The following CCDC82 variants were observed in gnomAD, a reference collection of about 807,000 sequenced individuals.
CCDC82 encodes the protein coiled-coil domain containing 82, also known as coiled-coil domain-containing protein 82.
CCDC82 carries 47 observed loss-of-function variants against 60.6 expected under a neutral mutation model. The ratio of observed to expected loss-of-function variants is 0.77; its 90% CI spans 0.61 to 0.99. The LOEUF (loss-of-function observed/expected upper bound fraction) is 0.99. Among genes scored for constraint, CCDC82 ranks in the 50% least tolerant of loss-of-function variants. CCDC82 has a pLI of 0.00. For missense variants in CCDC82, 588 were observed against 633.0 expected (o/e 0.93, Z 0.76); for synonymous variants, 212 against 207.4 (o/e 1.02, Z -0.19).
chr11:96,358,249 C>A lies in CCDC82; in HGVS notation c.1566+744G>T, dbSNP rs12421107. Reference sequence around the variant, plus strand: ...TACTATTTGTTCTCTCTTATACATTCATGTAACTAGACTTGTTTTAGAAGA... The same window carrying A: ...TACTATTTGTTCTCTCTTATACATTAATGTAACTAGACTTGTTTTAGAAGA... On this transcript the variant is annotated intron_variant, in intron 9 of 9. Coordinates refer to ENST00000646818, the MANE Select transcript of CCDC82 (RefSeq NM_024725.4). The A allele has an allele frequency of 6.4e-3, 6,860 of 1,064,430 alleles. 33 individuals carry two copies. The highest frequency in any genetic ancestry group is 0.034 in the Admixed American group (643 of 18,688). 65.9% of individuals were successfully genotyped at this position (1,064,430 alleles called of 1,614,324 possible).
intron 5 of CCDC82, chr11:96,382,019 A>G (rs1865900982): frequency 6.6e-6 from 1 of 151,866 alleles, no homozygotes; most frequent in Non-Finnish European, 1.5e-5. Context: ...CAGTAAAACT[A>G]TTAACTGTAT....
chr11:96,364,508 CATG>C (rs1864843167), intron 8 of CCDC82: 1 of 152,160 alleles, frequency 6.6e-6, no homozygotes, highest in African/African-American at 2.4e-5. Flanking sequence ...ACACCTCCTC[CATG>C]GATATGTAGA....
chr11:96,385,612 T>C (rs1866149949), intron 3 of CCDC82: 1 of 152,062 alleles, frequency 6.6e-6, no homozygotes, highest in South Asian at 2.1e-4. Flanking sequence ...AAATACACAA[T>C]ATAACCAATA....
At chr11:96,369,867 G>A (rs1200901442) in intron 7 of CCDC82, among the ~76,000 whole-genome samples, 1 of 152,154 alleles carries the variant, frequency 6.6e-6, no homozygotes, top group Non-Finnish European at 1.5e-5. Context: ...GCTTATATAT[G>A]CTATTTTTCT....
chr11:96,378,191 C>T (rs1021778021), intron 5 of CCDC82, among the ~76,000 whole-genome samples: 4 of 152,004 alleles, frequency 2.6e-5, no homozygotes, highest in East Asian at 1.9e-4. Context: ...CTGCTATCTA[C>T]TGCTTTCCAT....
intron 7 of CCDC82, 123 bp from the exon 8 acceptor site, chr11:96,365,273 G>A: frequency 3.5e-6 from 2 of 569,706 alleles, no homozygotes; most frequent in African/African-American, 3.8e-5. Flanking sequence ...AAACACCCTG[G>A]CATTTCTTAC....
In CCDC82 at chr11:96,384,068, G is replaced by C. The variant is rs1328976103; in HGVS notation, c.680C>G (p.Thr227Ser). ...EGSSVEMEQK[T>S]PEKTLAAQKR... ...TTGTGCAGCTAATGTTTTTTCAGGA[G>C]TCTTTTGCTCCATTTCCACTGAAGA... Residue 227 changes from threonine to serine, a missense_variant, in exon 4 of 10, where the codon ACT becomes AGT. Coordinates refer to ENST00000646818, the MANE Select transcript of CCDC82 (RefSeq NM_024725.4). 2 of 1,613,714 alleles carry C rather than the reference G, an allele frequency of 1.2e-6. No individual in the cohort carries two copies. The highest frequency in any genetic ancestry group is 1.7e-6 in the Non-Finnish European group (2 of 1,179,732).
intron 5 of CCDC82, among the ~76,000 whole-genome samples, chr11:96,374,692 T>C (rs533659129): frequency 1.8e-4 from 28 of 152,248 alleles, no homozygotes; most frequent in Non-Finnish European, 3.2e-4. Flanking sequence ...TCTGTTGTAC[T>C]GATTATTTCA....
intron 3 of CCDC82, chr11:96,385,725 G>A (rs1340077884): frequency 6.6e-6 from 1 of 152,108 alleles, no homozygotes; most frequent in African/African-American, 2.4e-5. Context: ...AAAGCTGTCA[G>A]TTTATCATTT....
At chr11:96,381,677 G>A (rs906262653) in intron 5 of CCDC82, 9 of 151,454 alleles carry the variant, frequency 5.9e-5, no homozygotes, top group Admixed American at 1.3e-4. Context: ...TGTAAGTAAC[G>A]TCCTATCTCT....
rs1034452207 is a variant in CCDC82 at position 96,362,825 on chromosome 11, A to T, written c.1380+2155T>A. On this transcript the variant is annotated intron_variant, in intron 8 of 9. Transcript: ENST00000646818. ...AAATTTGCTGTTAAGTGAATTCCTT[A>T]AAAGTATTATTTGCACCCTCAAAAA... Among the ~76,000 whole-genome samples the T allele has an allele frequency of 7.2e-5, 11 of 152,226 alleles. No individual in the cohort carries two copies. In the South Asian group the frequency reaches 8.3e-4, roughly 11 times the overall value.
intron 1 of CCDC82, 97 bp downstream of exon 1, chr11:96,389,747 G>A (rs1369839343): frequency 6.6e-6 from 1 of 152,454 alleles, no homozygotes. Flanking sequence ...TCCGCGAGGA[G>A]GCACGGCTTC....
At chr11:96,363,903 C>T (rs1310115765) in intron 8 of CCDC82, 1 of 152,124 alleles carries the variant, frequency 6.6e-6, no homozygotes, top group Non-Finnish European at 1.5e-5. Context: ...ATAGTTTTCT[C>T]TTACGTGACT....
intron 5 of CCDC82, among the ~76,000 whole-genome samples, chr11:96,378,780 T>A (rs1478800754): frequency 6.6e-6 from 1 of 152,004 alleles, no homozygotes; most frequent in Non-Finnish European, 1.5e-5. Context: ...GGACCACTGC[T>A]ATTTTGTCCC....
At position 96,371,066 on chromosome 11, in the gene CCDC82, G is replaced by T; in HGVS notation, c.1156C>A (p.Gln386Lys). Reference sequence around the variant, plus strand: ...GATACCAAGCTCTCTAGACGAGGCTGAACAAAGCGGTTATCCAAATAATGA... The same window carrying T: ...GATACCAAGCTCTCTAGACGAGGCTTAACAAAGCGGTTATCCAAATAATGA... The part of the protein sequence containing the change: ...SLHYLDNRFV[Q>K]PRLESLVSRS... The change falls in exon 7 of 10, where the codon CAG (glutamine) becomes AAG (lysine). Residue 386 changes from glutamine to lysine, a missense_variant. Transcript: ENST00000646818. The T allele has an allele frequency of 6.2e-7, 1 of 1,607,324 alleles. No homozygotes were observed. The highest frequency in any genetic ancestry group is 1.1e-5 in the South Asian group (1 of 89,254).
intron 7 of CCDC82, among the ~76,000 whole-genome samples, chr11:96,367,816 ATTTCT>A (rs937175879): frequency 3.6e-5 from 4 of 112,298 alleles, no homozygotes; most frequent in Non-Finnish European, 7.8e-5. Flanking sequence ...TATGAAATGT[ATTTCT>A]TTTTTTTTTT....
intron 8 of CCDC82, among the ~76,000 whole-genome samples, chr11:96,359,930 A>G (rs115038919): frequency 0.012 from 1,798 of 151,348 alleles, 30 homozygotes; most frequent in African/African-American, 0.041. Context: ...TCAGCCAGCT[A>G]TAAGAATTTT....
At chr11:96,387,953 T>G (rs1866292252) in intron 1 of CCDC82, 1 of 152,228 alleles carries the variant, frequency 6.6e-6, no homozygotes, top group East Asian at 1.9e-4. Context: ...AAACATATTT[T>G]GGAAAACTGC....
In CCDC82 at chr11:96,384,447, T is replaced by C. The variant is rs752945009; in HGVS notation, c.301A>G (p.Ile101Val). 3.1e-6 allele frequency: 5 copies of C among 1,613,622 alleles called. No homozygotes were observed. In the African/African-American group the frequency reaches 5.3e-5, roughly 17 times the overall value. ...TATGTTGAACCGTTGCCAGAGTTAA[T>C]GAGACACTTACTGTCATTTCCTTCA... is the stretch of plus-strand genomic sequence containing the variant. The part of the protein sequence containing the change: ...QSEGNDSKCL[I>V]NSGNGSTYEE... Residue 101 changes from isoleucine (I) to valine (V), a missense_variant, in exon 4 of 10, where the codon ATT becomes GTT. Ile to Val is a conservative substitution (Grantham distance 29, BLOSUM62 3). Coordinates refer to ENST00000646818, the MANE Select transcript of CCDC82 (RefSeq NM_024725.4).
Sources: gnomAD v4.1 joint callset for allele counts (sites outside exome capture counted in the v4.1 genomes callset) on GRCh38, gnomAD v4.1.1 for gene constraint, MANE v1.5 for transcripts, NCBI Gene and HGNC (gene_info 2026-07-23, HGNC 2026-07-21) for gene names.